CENPP: variants seen among roughly 807,000 people sequenced by gnomAD.
The protein encoded by CENPP is centromere protein P.
CENPP carries 24 observed loss-of-function variants against 35.6 expected under a neutral mutation model. The observed-to-expected ratio is 0.67, with a 90% confidence interval of 0.49 to 0.95. The LOEUF (loss-of-function observed/expected upper bound fraction) is 0.95. Ranked by LOEUF, CENPP falls within the 40% of genes least tolerant of loss-of-function variation. The probability of loss-of-function intolerance (pLI) is 0.00; values close to 1 mark genes in which losing one functional copy is unlikely to be tolerated. For synonymous variants in CENPP, 120 were observed against 125.5 expected (o/e 0.96, Z 0.29); for missense variants, 332 against 345.3 (o/e 0.96, Z 0.31).
rs1436965311 is a variant in CENPP at position 92,613,676 on chromosome 9, C to T, written c.*527C>T. 6.3e-6 allele frequency: 1 copy of T among 158,578 alleles called. No homozygotes were observed. Among genetic ancestry groups the T allele is most frequent in the East Asian group, 1.8e-4 (1 of 5,508 alleles). 9.8% of individuals were successfully genotyped at this position (158,578 alleles called of 1,614,324 possible). On this transcript the variant is annotated 3_prime_UTR_variant, in exon 8 of 8. Transcript: ENST00000375587. Reference sequence around the variant, plus strand: ...GAGGCAGTCTCAGCAAGTCCTCATGCTGTTCTTGGTCTTCCACAAGAAAGT... The same window carrying T: ...GAGGCAGTCTCAGCAAGTCCTCATGTTGTTCTTGGTCTTCCACAAGAAAGT...
intron 4 of CENPP, among the ~76,000 whole-genome samples, chr9:92,358,215 C>T (rs1841644768): frequency 6.6e-6 from 1 of 150,986 alleles, no homozygotes; most frequent in Non-Finnish European, 1.5e-5. Context: ...GTTCTCTTGA[C>T]ATGTCCCCAT....
rs763910974 is a variant in CENPP, at chr9:92,618,158, T to C, written c.*5009T>C. ...GAAGCAGGCCCAGCCCCACACGCCATGTTCTCGGAGGAGAAGCCTTCTCTG... is the reference window on the plus strand; with the variant it reads ...GAAGCAGGCCCAGCCCCACACGCCACGTTCTCGGAGGAGAAGCCTTCTCTG... On this transcript the variant is annotated 3_prime_UTR_variant, in exon 8 of 8. Transcript: ENST00000375587. The C allele has an allele frequency of 6.7e-6, 3 of 447,092 alleles. No homozygotes were observed. The highest frequency in any genetic ancestry group is 4.7e-5 in the South Asian group (3 of 64,258). 27.7% of individuals were successfully genotyped at this position (447,092 alleles called of 1,614,324 possible). A position where few individuals can be genotyped will look rare whatever the true frequency, so the allele number is the denominator to read the frequency against.
intron 5 of CENPP, among the ~76,000 whole-genome samples, chr9:92,541,062 C>G (rs916368639): frequency 6.6e-6 from 1 of 151,930 alleles, no homozygotes; most frequent in African/African-American, 2.4e-5. Flanking sequence ...GAGTTCAAGA[C>G]CAGCCTGGCC....
intron 5 of CENPP, chr9:92,466,721 G>A: frequency 1.5e-6 from 1 of 668,436 alleles, no homozygotes; most frequent in Admixed American, 3.0e-5. Context: ...CCCAATCTAA[G>A]CTTTTAAAAA....
At chr9:92,482,149 T>A (rs1406284551) in intron 5 of CENPP, 2 of 152,194 alleles carry the variant, frequency 1.3e-5, no homozygotes, top group Non-Finnish European at 2.9e-5. Flanking sequence ...AGGTTTGTAT[T>A]TAAATGCTGA....
At chr9:92,374,044 G>A (rs1842068589) in intron 4 of CENPP, among the ~76,000 whole-genome samples, 1 of 144,586 alleles carries the variant, frequency 6.9e-6, no homozygotes, top group Non-Finnish European at 1.5e-5. Context: ...TCCTGAAAAT[G>A]TATCTATGGT....
intron 6 of CENPP, among the ~76,000 whole-genome samples, chr9:92,611,851 T>G (rs1851263281): frequency 1.3e-5 from 2 of 152,240 alleles, no homozygotes. Flanking sequence ...CCCTTGGCTG[T>G]GCATGTGTGG....
intron 5 of CENPP, among the ~76,000 whole-genome samples, chr9:92,536,913 AGGCTAGAGT>A (rs1849191905): frequency 7.0e-6 from 1 of 142,584 alleles, no homozygotes; most frequent in Non-Finnish European, 1.5e-5. Context: ...TCTGTTGCCC[AGGCTAGAGT>A]GCAATGTCGT....
At chr9:92,568,074 CT>C (rs1006092632) in intron 5 of CENPP, among the ~76,000 whole-genome samples, 4 of 140,446 alleles carry the variant, frequency 2.8e-5, no homozygotes, top group African/African-American at 8.5e-5. Context: ...TATTTTTCTT[CT>C]TTTTTTTATT....
intron 5 of CENPP, among the ~76,000 whole-genome samples, chr9:92,589,558 A>G (rs983025027): frequency 6.6e-6 from 1 of 152,106 alleles, no homozygotes; most frequent in African/African-American, 2.4e-5. Context: ...GCATTCCCAC[A>G]TTCTTGAAAT....
At chr9:92,547,415 C>T (rs548110453) in intron 5 of CENPP, among the ~76,000 whole-genome samples, 10 of 152,310 alleles carry the variant, frequency 6.6e-5, no homozygotes, top group African/African-American at 2.4e-4. Flanking sequence ...TGTTTGTCAA[C>T]TGTTGAATGA....
chr9:92,375,812 G>T (rs1331541300), intron 4 of CENPP, among the ~76,000 whole-genome samples: 4 of 149,500 alleles, frequency 2.7e-5, no homozygotes, highest in African/African-American at 9.8e-5. Context: ...TCATAGCCTA[G>T]TAATTCCCCT....
chr9:92,555,642 A>C (rs1365944455), intron 5 of CENPP, among the ~76,000 whole-genome samples: 1 of 152,108 alleles, frequency 6.6e-6, no homozygotes, highest in Non-Finnish European at 1.5e-5. Context: ...CCAGGAACTT[A>C]TTCATCTCTT....
intron 5 of CENPP, among the ~76,000 whole-genome samples, chr9:92,506,057 TA>T (rs1846988570): frequency 6.6e-6 from 1 of 151,970 alleles, no homozygotes; most frequent in African/African-American, 2.4e-5. Flanking sequence ...GGAATTCAGG[TA>T]GGAAAGGAAT....
intron 5 of CENPP, chr9:92,385,046 T>C (rs1275411954): frequency 6.6e-6 from 1 of 152,634 alleles, no homozygotes; most frequent in East Asian, 1.9e-4. Context: ...TTTGGAAAGT[T>C]TTCCTAAATA....
intron 5 of CENPP, among the ~76,000 whole-genome samples, chr9:92,485,963 T>C (rs78676632): frequency 0.013 from 1,968 of 152,362 alleles, 39 homozygotes; most frequent in African/African-American, 0.044. Context: ...TGCCAGTCTG[T>C]GGTGTCCTTC....
intron 5 of CENPP, among the ~76,000 whole-genome samples, chr9:92,398,131 C>A (rs1156709111): frequency 6.6e-6 from 1 of 152,204 alleles, no homozygotes; most frequent in African/African-American, 2.4e-5. Flanking sequence ...AACCTACTCA[C>A]TGGAACTTCA....
intron 5 of CENPP, chr9:92,393,207 G>A (rs780638690): frequency 1.2e-6 from 2 of 1,609,668 alleles, no homozygotes; most frequent in Admixed American, 3.3e-5. Context: ...AGTATACAGA[G>A]CCACTTAAAC....
intron 5 of CENPP, chr9:92,515,071 A>C (rs1405361460): frequency 1.9e-6 from 3 of 1,613,806 alleles, no homozygotes; most frequent in Non-Finnish European, 1.7e-6. Flanking sequence ...TTTTCTTACT[A>C]TTCGGTCCAT....
Sources: gnomAD v4.1 joint callset for allele counts (sites outside exome capture counted in the v4.1 genomes callset) on GRCh38, gnomAD v4.1.1 for gene constraint, MANE v1.5 for transcripts, NCBI Gene and HGNC (gene_info 2026-07-23, HGNC 2026-07-21) for gene names.